The following ITCH variants were observed in gnomAD, a reference collection of about 807,000 sequenced individuals.
ITCH encodes E3 ubiquitin-protein ligase Itchy homolog.
In ITCH, 28 loss-of-function variants were observed where a neutral mutation model predicts 126.8. That is an observed-to-expected ratio of 0.22 (90% CI 0.16 to 0.30). The LOEUF is 0.30. ITCH is among the 10% of genes least tolerant of loss of function. The pLI, the probability that ITCH is intolerant of heterozygous loss-of-function variation, is 1.00. For synonymous variants in ITCH, 342 were observed against 340.0 expected (o/e 1.01, Z -0.06); for missense variants, 631 against 1,032.4 (o/e 0.61, Z 5.33).
intron 19 of ITCH, 55 bp from the exon 20 acceptor site, chr20:34,481,011 T>A (rs771383629): frequency 3.4e-5 from 54 of 1,574,404 alleles, no homozygotes; most frequent in Non-Finnish European, 4.7e-5. Flanking sequence ...TAAAAACTTA[T>A]AAATTATGAT....
intron 14 of ITCH, among the ~76,000 whole-genome samples, chr20:34,465,488 G>C (rs7269526): frequency 0.16 from 24,114 of 152,030 alleles, 2,149 homozygotes; most frequent in South Asian, 0.33. Flanking sequence ...GATCAATACA[G>C]ATTCAATATC....
intron 7 of ITCH, among the ~76,000 whole-genome samples, chr20:34,433,855 C>G (rs183579210): frequency 5.3e-5 from 8 of 151,464 alleles, no homozygotes; most frequent in African/African-American, 1.9e-4. Flanking sequence ...GCAGTCACAT[C>G]CAATGAGAAG....
At chr20:34,402,131 G>T in intron 3 of ITCH, 1 of 968,270 alleles carries the variant, frequency 1.0e-6, no homozygotes, top group Non-Finnish European at 1.7e-6. Flanking sequence ...TGCAGAAAGG[G>T]CTCTGGAGAG....
At chr20:34,366,625 G>A (rs1242049384) in intron 1 of ITCH, among the ~76,000 whole-genome samples, 3 of 152,060 alleles carry the variant, frequency 2.0e-5, no homozygotes, top group Non-Finnish European at 4.4e-5. Flanking sequence ...TCAACAGTTT[G>A]GGAGGCTGAG....
intron 3 of ITCH, among the ~76,000 whole-genome samples, chr20:34,403,807 G>GA (rs1336298312): frequency 6.6e-6 from 1 of 151,968 alleles, no homozygotes. Context: ...GGGTATAAAA[G>GA]AAAAAAGGAT....
rs542254043 is a variant in ITCH at position 34,510,145 on chromosome 20, G to A, written c.*2351G>A. 64 of 152,610 alleles carry A rather than the reference G, an allele frequency of 4.2e-4. No individual in the cohort carries two copies. The highest frequency in any genetic ancestry group is 1.5e-3 in the African/African-American group (63 of 41,528). 9.5% of individuals were successfully genotyped at this position (152,610 alleles called of 1,614,324 possible). ...ATGCTTGTATATATTTTTGCAGCCT[G>A]GGATCTCCCTACTCCATTTTTTCCT... On this transcript the variant is annotated 3_prime_UTR_variant, in exon 25 of 25. Transcript: ENST00000374864.
chr20:34,504,407 A>C lies in ITCH; in HGVS notation c.2489+4A>C, dbSNP rs751385002. On this transcript the variant is annotated splice_donor_region_variant and intron_variant, in intron 24 of 24. Coordinates refer to ENST00000374864, the MANE Select transcript of ITCH (RefSeq NM_031483.7). ...GGCTACCCAGAAGTCATACCTGGTAAGTACAATCAGAATGGATAGAGAAAA... is the reference window on the plus strand; with the variant it reads ...GGCTACCCAGAAGTCATACCTGGTACGTACAATCAGAATGGATAGAGAAAA... 6 of 1,589,428 alleles carry C rather than the reference A, an allele frequency of 3.8e-6. No individual in the cohort carries two copies. In the Admixed American group the frequency reaches 5.0e-5, roughly 13 times the overall value.
At chr20:34,385,221 G>GTGTGTGT (rs1555851587) in intron 2 of ITCH, among the ~76,000 whole-genome samples, 1 of 30,122 alleles carries the variant, frequency 3.3e-5, no homozygotes, top group African/African-American at 1.4e-4. Flanking sequence ...GTGTGTGTGT[G>GTGTGTGT]GTTTTTTTTT....
intron 20 of ITCH, among the ~76,000 whole-genome samples, chr20:34,483,235 G>A (rs1988881923): frequency 6.6e-6 from 1 of 152,086 alleles, no homozygotes; most frequent in Admixed American, 6.6e-5. Context: ...TTAACATTCG[G>A]GTCCTCATTA....
chr20:34,500,175 A>G (rs1424001554), intron 23 of ITCH, among the ~76,000 whole-genome samples: 2 of 152,214 alleles, frequency 1.3e-5, no homozygotes, highest in Non-Finnish European at 1.5e-5. Context: ...GAAATGTTCT[A>G]TGAATGACTG....
chr20:34,425,601 C>T (rs1239325512), intron 7 of ITCH, among the ~76,000 whole-genome samples: 4 of 152,184 alleles, frequency 2.6e-5, no homozygotes, highest in Non-Finnish European at 5.9e-5. Context: ...ATGCTGGCAG[C>T]AATACTGCTC....
At chr20:34,471,049 T>C (rs2146418511) in intron 15 of ITCH, among the ~76,000 whole-genome samples, 1 of 152,344 alleles carries the variant, frequency 6.6e-6, no homozygotes, top group Admixed American at 6.5e-5. Flanking sequence ...TAATGATTTT[T>C]TATGGGTTCT....
rs183095116 is a variant in ITCH, at chr20:34,394,503, G to A, written c.70+622G>A. ...CTTATAACAATGACACAATCATGCA[G>A]CCTCCTGCTGTGGTGACTACAGTCG... is the stretch of plus-strand genomic sequence containing the variant. On this transcript the variant is annotated intron_variant, in intron 3 of 24. Coordinates refer to ENST00000374864, the MANE Select transcript of ITCH (RefSeq NM_031483.7). Among the ~76,000 whole-genome samples the A allele has an allele frequency of 2.5e-4, 38 of 152,188 alleles. No individual in the cohort carries two copies. The East Asian group carries it at 6.6e-3, about 26-fold the overall frequency.
At chr20:34,477,994 T>A in intron 17 of ITCH, 134 bp downstream of exon 17, 1 of 1,151,996 alleles carries the variant, frequency 8.7e-7, no homozygotes, top group Non-Finnish European at 1.2e-6. Context: ...ACCTTTATTA[T>A]GCTGTAGCTA....
intron 3 of ITCH, 129 bp downstream of exon 3, chr20:34,394,010 T>G: frequency 1.2e-6 from 1 of 849,734 alleles, no homozygotes; most frequent in South Asian, 1.3e-5. Context: ...GGTGGGCGGG[T>G]CACTTGAGGC....
intron 14 of ITCH, among the ~76,000 whole-genome samples, chr20:34,464,156 T>G (rs1392576531): frequency 6.6e-6 from 1 of 151,158 alleles, no homozygotes; most frequent in Non-Finnish European, 1.5e-5. Flanking sequence ...TTTTTTTTTT[T>G]TTGTATTTTG....
At chr20:34,438,442 C>T in intron 7 of ITCH, 32 bp from the exon 8 acceptor site, 1 of 1,610,398 alleles carries the variant, frequency 6.2e-7, no homozygotes, top group Non-Finnish European at 8.5e-7. Context: ...TTATTTCCCT[C>T]TCCCCCTTCC....
At chr20:34,473,094 A>G (rs1378061209) in intron 16 of ITCH, among the ~76,000 whole-genome samples, 1 of 152,218 alleles carries the variant, frequency 6.6e-6, no homozygotes, top group Non-Finnish European at 1.5e-5. Flanking sequence ...ACATCCATCA[A>G]ATAACTGGTT....
chr20:34,480,812 A>G (rs1346735457), intron 19 of ITCH, 80 bp downstream of exon 19: 1 of 1,170,334 alleles, frequency 8.5e-7, no homozygotes, highest in Admixed American at 2.1e-5. Flanking sequence ...TCCAAACTGT[A>G]GGCACATAAT....
Sources: allele counts gnomAD v4.1 joint callset (sites outside exome capture counted in the v4.1 genomes callset), GRCh38; gene constraint gnomAD v4.1.1; transcripts MANE v1.5; gene names NCBI Gene and HGNC (gene_info 2026-07-23, HGNC 2026-07-21).